Variants in ITGB8 observed in about 807,000 individuals in gnomAD.
ITGB8 encodes integrin beta-8.
A neutral mutation model predicts 89.5 loss-of-function variants in ITGB8; 30 were observed. The ratio of observed to expected loss-of-function variants is 0.34; its 90% CI spans 0.25 to 0.45. The LOEUF is 0.45. Ranked by LOEUF, ITGB8 falls within the 20% of genes least tolerant of loss-of-function variation. ITGB8 has a pLI of 1.00. For missense variants in ITGB8, 836 were observed against 933.3 expected (o/e 0.90, Z 1.36); for synonymous variants, 335 against 320.4 (o/e 1.05, Z -0.49).
intron 1 of ITGB8, among the ~76,000 whole-genome samples, chr7:20,358,499 A>T (rs1358258015): frequency 2.7e-5 from 4 of 150,740 alleles, no homozygotes; most frequent in Non-Finnish European, 5.9e-5. Flanking sequence ...TTTCCTGAAA[A>T]TTTTCACACA....
chr7:20,363,703 G>A lies in ITGB8; in HGVS notation c.194G>A (p.Cys65Tyr). Reference sequence around the variant, plus strand: ...AGGTGCCTTGCGCTGGGTCCAGAATGTGGATGGTGTGTTCAAGAGGTGTGC... The same window carrying A: ...AGGTGCCTTGCGCTGGGTCCAGAATATGGATGGTGTGTTCAAGAGGTGTGC... ...CARCLALGPE[C>Y]GWCVQEDFIS... Residue 65 changes from cysteine (C) to tyrosine (Y), a missense_variant, in exon 2 of 14, where the codon TGT becomes TAT. This residue lies in a region of ITGB8 where 182 missense variants were observed against 177.0 expected (regional missense o/e 1.03). Transcript: ENST00000222573. 6.2e-7 allele frequency: 1 copy of A among 1,600,754 alleles called. No homozygotes were observed. The highest frequency in any genetic ancestry group is 1.1e-5 in the South Asian group (1 of 88,264).
intron 8 of ITGB8, among the ~76,000 whole-genome samples, chr7:20,397,819 C>T (rs1383858159): frequency 6.6e-6 from 1 of 152,166 alleles, no homozygotes; most frequent in African/African-American, 2.4e-5. Flanking sequence ...TCAGTAAGCA[C>T]GTGTTTCTTT....
intron 8 of ITGB8, among the ~76,000 whole-genome samples, chr7:20,397,763 T>C (rs965500928): frequency 2.6e-5 from 4 of 152,226 alleles, no homozygotes; most frequent in Non-Finnish European, 5.9e-5. Flanking sequence ...GAGGAAAGTC[T>C]CTTGTTCTAA....
At chr7:20,401,570 A>C (rs1485280702) in intron 9 of ITGB8, 151 bp from the exon 10 acceptor site, 2 of 501,298 alleles carry the variant, frequency 4.0e-6, no homozygotes, top group African/African-American at 2.0e-5. Flanking sequence ...GATGTTGCAT[A>C]TATATGAAAG....
intron 8 of ITGB8, among the ~76,000 whole-genome samples, chr7:20,396,254 C>T (rs1185778506): frequency 2.6e-5 from 4 of 152,040 alleles, no homozygotes; most frequent in East Asian, 3.9e-4. Flanking sequence ...CTGGCTAACA[C>T]GGTGAAACCC....
intron 1 of ITGB8, among the ~76,000 whole-genome samples, chr7:20,332,928 T>TC (rs1210528183): frequency 6.6e-6 from 1 of 151,222 alleles, no homozygotes; most frequent in African/African-American, 2.4e-5. Flanking sequence ...ATACTTTCTT[T>TC]TTTTTTTTTT....
At chr7:20,341,889 TAA>T (rs372857680) in intron 1 of ITGB8, among the ~76,000 whole-genome samples, 78 of 139,754 alleles carry the variant, frequency 5.6e-4, no homozygotes, top group Admixed American at 5.0e-4. Context: ...ATGTTTGAGT[TAA>T]AAAAAAAAAA....
At position 20,414,175 on chromosome 7, in the gene ITGB8, T is replaced by A. The variant is rs749120210; in HGVS notation, c.*4178T>A. 6.6e-6 allele frequency: 1 copy of A among 152,118 alleles called. No individual in the cohort carries two copies. The highest frequency in any genetic ancestry group is 1.5e-5 in the Non-Finnish European group (1 of 67,974). The allele number at this position is 152,118 out of a possible 1,614,324, so 9.4% of individuals were successfully genotyped here. A position where few individuals can be genotyped will look rare whatever the true frequency, so the allele number is the denominator to read the frequency against. ...CCAACTTTACCTAAATGTTTATGCA[T>A]CTAGGCAAATTTTGTTTTCTTATAA... is the stretch of plus-strand genomic sequence containing the variant. On this transcript the variant is annotated 3_prime_UTR_variant, in exon 14 of 14. Coordinates refer to ENST00000222573, the MANE Select transcript of ITGB8 (RefSeq NM_002214.3).
chr7:20,374,334 A>G (rs1489316945), intron 3 of ITGB8, among the ~76,000 whole-genome samples: 2 of 152,224 alleles, frequency 1.3e-5, no homozygotes, highest in African/African-American at 2.4e-5. Context: ...TGCCAACTAC[A>G]GAGGCTTCAG....
chr7:20,377,049 G>A (rs1786178820), intron 3 of ITGB8, among the ~76,000 whole-genome samples: 1 of 152,102 alleles, frequency 6.6e-6, no homozygotes, highest in African/African-American at 2.4e-5. Context: ...TTCTGCTGAG[G>A]GCCCTTGTGT....
In ITGB8 at chr7:20,398,711, G is replaced by C. The variant is rs189138512; in HGVS notation, c.1147-149G>C. 3.9e-4 allele frequency: 185 copies of C among 469,200 alleles called. No individual in the cohort carries two copies. In the East Asian group the frequency reaches 5.7e-3, roughly 15 times the overall value. The allele number at this position is 469,200 out of a possible 1,614,324, so 29.1% of individuals were successfully genotyped here. A position where few individuals can be genotyped will look rare whatever the true frequency, so the allele number is the denominator to read the frequency against. ...TCAAATATAATTGGGTCATTATGTG[G>C]AAACACTGTTTTTATTCATCCTTTT... On this transcript the variant is annotated intron_variant, in intron 8 of 13. Transcript: ENST00000222573.
chr7:20,401,429 T>C (rs1156543995), intron 9 of ITGB8, among the ~76,000 whole-genome samples: 3 of 152,180 alleles, frequency 2.0e-5, no homozygotes, highest in Non-Finnish European at 4.4e-5. Context: ...AAATTAATCA[T>C]CAGTGATGGG....
At chr7:20,345,392 T>TAAA (rs11393596) in intron 1 of ITGB8, among the ~76,000 whole-genome samples, 1 of 150,186 alleles carries the variant, frequency 6.7e-6, no homozygotes, top group African/African-American at 2.5e-5. Context: ...ACAGACAAAA[T>TAAA]AAAAAAAAAC....
In ITGB8 at chr7:20,412,859, A is replaced by T. The variant is rs1161525678; in HGVS notation, c.*2862A>T. 1 of 152,608 alleles carries T rather than the reference A, an allele frequency of 6.6e-6. No individual in the cohort carries two copies. The highest frequency in any genetic ancestry group is 1.5e-5 in the Non-Finnish European group (1 of 68,008). The allele number at this position is 152,608 out of a possible 1,614,324, so 9.5% of individuals were successfully genotyped here. A position where few individuals can be genotyped will look rare whatever the true frequency, so the allele number is the denominator to read the frequency against. On this transcript the variant is annotated 3_prime_UTR_variant, in exon 14 of 14. Coordinates refer to ENST00000222573, the MANE Select transcript of ITGB8 (RefSeq NM_002214.3). ...CTCTTAGGTTAAATAATGTATGCAA[A>T]TAGAGTCTATTTTCAACTAATATGG...
At chr7:20,346,846 G>C in intron 1 of ITGB8, 1 of 985,390 alleles carries the variant, frequency 1.0e-6, no homozygotes, top group Non-Finnish European at 1.2e-6. Context: ...GCAAAGGAGA[G>C]CACCTTGGAG....
At position 20,411,010 on chromosome 7, in the gene ITGB8, T is replaced by A. The variant is rs1257042232; in HGVS notation, c.*1013T>A. ...TTTGATTGCAAGTAGATATCAGCATTTTTTAAATGAAAAGCTATATTATCT... is the reference window on the plus strand; with the variant it reads ...TTTGATTGCAAGTAGATATCAGCATATTTTAAATGAAAAGCTATATTATCT... On this transcript the variant is annotated 3_prime_UTR_variant, in exon 14 of 14. Transcript: ENST00000222573. 1.3e-5 allele frequency: 2 copies of A among 152,214 alleles called. No individual in the cohort carries two copies. Among genetic ancestry groups the A allele is most frequent in the African/African-American group, 4.8e-5 (2 of 41,432 alleles). 9.4% of individuals were successfully genotyped at this position (152,214 alleles called of 1,614,324 possible).
At chr7:20,367,614 T>C (rs1444190225) in intron 3 of ITGB8, among the ~76,000 whole-genome samples, 1 of 151,938 alleles carries the variant, frequency 6.6e-6, no homozygotes, top group African/African-American at 2.4e-5. Flanking sequence ...AATCAAGCAA[T>C]CAATATTTTT....
intron 1 of ITGB8, among the ~76,000 whole-genome samples, chr7:20,344,724 A>C (rs1784866309): frequency 6.6e-6 from 1 of 152,188 alleles, no homozygotes; most frequent in African/African-American, 2.4e-5. Flanking sequence ...TCGAGAGTTG[A>C]CCAAGAGAAG....
intron 8 of ITGB8, among the ~76,000 whole-genome samples, chr7:20,395,858 C>T (rs1787051994): frequency 6.6e-6 from 1 of 152,148 alleles, no homozygotes; most frequent in African/African-American, 2.4e-5. Context: ...CCAGGTGTTC[C>T]TTTACTTCAA....
Sources: allele counts gnomAD v4.1 joint callset (sites outside exome capture counted in the v4.1 genomes callset), GRCh38; gene constraint gnomAD v4.1.1; regional missense constraint gnomAD v4.1.1; transcripts MANE v1.5; gene names NCBI Gene and HGNC (gene_info 2026-07-23, HGNC 2026-07-21).